The following ZNF550 variants were observed in gnomAD, a reference collection of about 807,000 sequenced individuals.
The protein encoded by ZNF550 is zinc finger protein 550.
In ZNF550, 42 loss-of-function variants were observed where a neutral mutation model predicts 40.2. The ratio of observed to expected loss-of-function variants is 1.05; its 90% CI spans 0.82 to 1.35. ZNF550 has a LOEUF of 1.35. Ranked by LOEUF, ZNF550 falls within the 40% of genes most tolerant of loss-of-function variation. ZNF550 has a pLI of 0.00. For synonymous variants in ZNF550, 223 were observed against 198.6 expected, an observed-to-expected ratio of 1.12 and a Z score of -1.03; for missense variants, 549 against 525.2, an observed-to-expected ratio of 1.05 and a Z score of -0.44.
At chr19:57,559,068 T>C (rs1390769999) in intron 1 of ZNF550, among the ~76,000 whole-genome samples, 1 of 152,146 alleles carries the variant, frequency 6.6e-6, no homozygotes, top group Non-Finnish European at 1.5e-5. Flanking sequence ...TTTCAGCCGC[T>C]GCCCTTCGTG....
At chr19:57,556,764 A>G in intron 1 of ZNF550, 1 of 195,240 alleles carries the variant, frequency 5.1e-6, no homozygotes, top group Non-Finnish European at 1.1e-5. Flanking sequence ...AAAAAGGAAG[A>G]CATAAGAAAC....
exon 4 of ZNF550, chr19:57,547,376 T>G: frequency 6.2e-7 from 1 of 1,612,952 alleles, no homozygotes; most frequent in Non-Finnish European, 8.5e-7. Flanking sequence ...CGACATTGAC[T>G]ACACTCATAG....
rs2090106710 is a variant in ZNF550 at position 57,554,981 on chromosome 19, C to G, written c.154+1250G>C. On this transcript the variant is annotated intron_variant, in intron 2 of 4. Transcript: ENST00000457177. The surrounding 1 kb of genome is among the most constrained non-coding windows in gnomAD (Gnocchi z 4.5). ...CCTGCTTATTTATTCCTAAATTCCCCTCATTTTTCTTTCTAGAACTTATTT... is the reference window on the plus strand; with the variant it reads ...CCTGCTTATTTATTCCTAAATTCCCGTCATTTTTCTTTCTAGAACTTATTT... 1 of 152,226 alleles carries G rather than the reference C, an allele frequency of 6.6e-6. No homozygotes were observed. The highest frequency in any genetic ancestry group is 2.4e-5 in the African/African-American group (1 of 41,454). 9.4% of individuals were successfully genotyped at this position (152,226 alleles called of 1,614,324 possible).
At chr19:57,559,759 C>G in exon 1 of ZNF550, 10 of 1,290,614 alleles carry the variant, frequency 7.7e-6, no homozygotes, top group Non-Finnish European at 1.0e-5. Context: ...TACAACGGTG[C>G]GGAGGTGAGC....
At chr19:57,555,858 C>A (rs1339763147) in intron 2 of ZNF550, 3 of 274,708 alleles carry the variant, frequency 1.1e-5, no homozygotes, top group Non-Finnish European at 2.1e-5. Context: ...GGAAGATATC[C>A]GAGGGGCACT....
chr19:57,543,497 T>C, intron 4 of ZNF550: 1 of 514,392 alleles, frequency 1.9e-6, no homozygotes, highest in Non-Finnish European at 2.5e-6. Context: ...TGACATTTAC[T>C]GATTGAAGTG....
chr19:57,546,791 A>C, exon 4 of ZNF550: 1 of 1,385,090 alleles, frequency 7.2e-7, no homozygotes, highest in Non-Finnish European at 9.3e-7. Flanking sequence ...CACTGTATTC[A>C]CAGGGCTTCT....
At chr19:57,547,108 G>A in exon 4 of ZNF550, 1 of 1,613,970 alleles carries the variant, frequency 6.2e-7, no homozygotes, top group Non-Finnish European at 8.5e-7. Flanking sequence ...CCGGTGAAAG[G>A]CTTTCCCACA....
chr19:57,544,599 CAG>C (rs1246855980), intron 4 of ZNF550: 15 of 985,192 alleles, frequency 1.5e-5, no homozygotes, highest in Non-Finnish European at 1.6e-5. Flanking sequence ...AAAACAAAAA[CAG>C]AGAACTCTTA....
chr19:57,560,992 A>T (rs1220117699), upstream of ZNF550, among the ~76,000 whole-genome samples: 1 of 152,160 alleles, frequency 6.6e-6, no homozygotes, highest in East Asian at 1.9e-4. Context: ...ATTCTGGAAA[A>T]GGAGGGAAAT....
Position 57,559,639 on chromosome 19 carries a change from CGA to C in ZNF550, c.27+15_27+16del. The C allele has an allele frequency of 6.8e-7, 1 of 1,472,452 alleles. No individual in the cohort carries two copies. The highest frequency in any genetic ancestry group is 9.1e-7 in the Non-Finnish European group (1 of 1,104,056). The allele number at this position is 1,472,452 out of a possible 1,614,324, so 91.2% of individuals were successfully genotyped here. A position where few individuals can be genotyped will look rare whatever the true frequency, so the allele number is the denominator to read the frequency against. On this transcript the variant is annotated intron_variant, in intron 1 of 4. Coordinates refer to ENST00000457177, the Ensembl canonical transcript of ZNF550. ...CTGAGGCCGGGTGGCCGCGGGGAGC[CGA>C]GCCAGTCTGCTCACCTGCGCTGCGT...
chr19:57,557,464 T>G (rs960573677), intron 1 of ZNF550: 1 of 151,980 alleles, frequency 6.6e-6, no homozygotes, highest in African/African-American at 2.4e-5. Context: ...CTCTCCCCAC[T>G]CATTACCCTA....
intron 1 of ZNF550, among the ~76,000 whole-genome samples, chr19:57,558,324 G>A (rs1449655462): frequency 6.6e-6 from 1 of 152,186 alleles, no homozygotes; most frequent in East Asian, 1.9e-4. Context: ...GTGAGAAAGG[G>A]GACAATGGAA....
chr19:57,559,567 G>T, intron 1 of ZNF550, 89 bp downstream of exon 1: 1 of 1,330,848 alleles, frequency 7.5e-7, no homozygotes, highest in South Asian at 1.5e-5. Flanking sequence ...GGACTGCACT[G>T]AGGACGACCC....
At chr19:57,560,847 A>T (rs1491003250), upstream of ZNF550, among the ~76,000 whole-genome samples, 1 of 152,208 alleles carries the variant, frequency 6.6e-6, no homozygotes, top group African/African-American at 2.4e-5. Flanking sequence ...CTGTTTGTTA[A>T]GGTCTCATCA....
chr19:57,546,579 A>G, exon 4 of ZNF550: 1 of 1,002,324 alleles, frequency 1.0e-6, no homozygotes, highest in South Asian at 4.3e-5. Context: ...ATCAATAACA[A>G]TTATGTAGTA....
At chr19:57,550,442 GAAGAA>G (rs1201004645) in intron 3 of ZNF550, among the ~76,000 whole-genome samples, 3 of 152,198 alleles carry the variant, frequency 2.0e-5, no homozygotes, top group Non-Finnish European at 4.4e-5. Context: ...ATAGGAGAGT[GAAGAA>G]ACAGATCCTG....
At chr19:57,550,509 T>C (rs2090063254) in intron 3 of ZNF550, among the ~76,000 whole-genome samples, 1 of 152,236 alleles carries the variant, frequency 6.6e-6, no homozygotes. Context: ...ACCCAGCTCA[T>C]GGACACAATG....
At chr19:57,555,645 T>C (rs2090113673) in intron 2 of ZNF550, 1 of 156,988 alleles carries the variant, frequency 6.4e-6, no homozygotes, top group Admixed American at 6.0e-5. Context: ...CTGATGAGAC[T>C]TTTATGACAA....
Sources: allele counts gnomAD v4.1 joint callset (sites outside exome capture counted in the v4.1 genomes callset), GRCh38; gene constraint gnomAD v4.1.1; non-coding constraint Gnocchi (gnomAD v3.1); transcripts MANE v1.5; gene names NCBI Gene and HGNC (gene_info 2026-07-23, HGNC 2026-07-21).